Variants in PCCA observed in about 807,000 individuals in gnomAD.
PCCA encodes propionyl-CoA carboxylase alpha chain, mitochondrial.
Under a neutral mutation model 101.3 loss-of-function variants are expected in PCCA, and 74 were observed. The ratio of observed to expected loss-of-function variants is 0.73; its 90% CI spans 0.61 to 0.89. PCCA has a LOEUF of 0.89. Ranked by LOEUF, PCCA falls within the 40% of genes least tolerant of loss-of-function variation. The pLI, the probability that PCCA is intolerant of heterozygous loss-of-function variation, is 0.00. For missense variants in PCCA, 891 were observed against 907.0 expected, an observed-to-expected ratio of 0.98 and a Z score of 0.23; for synonymous variants, 294 against 313.6, an observed-to-expected ratio of 0.94 and a Z score of 0.66.
rs148423935 is a variant in PCCA, at chr13:100,432,869, G to A, written c.1845+7138G>A. ...TTTGACTACTGTGGGTATGGGTACC[G>A]CCTATAAATGAAATGGTATAGTATT... On this transcript the variant is annotated intron_variant, in intron 20 of 23. Coordinates refer to ENST00000376285, the MANE Select transcript of PCCA (RefSeq NM_000282.4). Among the ~76,000 whole-genome samples, 55 of 152,272 alleles carry A rather than the reference G, an allele frequency of 3.6e-4. 1 individual carries two copies. The East Asian group carries it at 8.1e-3, about 22-fold the overall frequency.
At chr13:100,366,282 A>G (rs1295293680) in intron 18 of PCCA, among the ~76,000 whole-genome samples, 1 of 152,090 alleles carries the variant, frequency 6.6e-6, no homozygotes, top group African/African-American at 2.4e-5. Flanking sequence ...AGGGACACCC[A>G]GGGAGTATCC....
chr13:100,402,064 G>A (rs1466632357), intron 19 of PCCA, among the ~76,000 whole-genome samples: 1 of 151,984 alleles, frequency 6.6e-6, no homozygotes, highest in African/African-American at 2.4e-5. Context: ...TGTAGATTTT[G>A]TATTGTAAAA....
chr13:100,509,695 G>A (rs1223505905), intron 21 of PCCA, among the ~76,000 whole-genome samples: 3 of 152,270 alleles, frequency 2.0e-5, no homozygotes, highest in South Asian at 2.1e-4. Flanking sequence ...TGTTAAAATC[G>A]TTGTTTTAAT....
chr13:100,164,163 A>T (rs1214305472), intron 6 of PCCA, among the ~76,000 whole-genome samples: 4 of 152,232 alleles, frequency 2.6e-5, no homozygotes. Flanking sequence ...TAAAATATAG[A>T]GACAAATCTC....
At chr13:100,341,641 T>G (rs775686751) in intron 18 of PCCA, among the ~76,000 whole-genome samples, 11 of 152,130 alleles carry the variant, frequency 7.2e-5, no homozygotes, top group Non-Finnish European at 1.6e-4. Flanking sequence ...TGGAGGGATA[T>G]GTGTGTAGGA....
intron 9 of PCCA, among the ~76,000 whole-genome samples, chr13:100,258,057 GACTT>G (rs1425737189): frequency 2.6e-5 from 4 of 152,128 alleles, no homozygotes; most frequent in Admixed American, 6.6e-5. Flanking sequence ...ATTTCATTGA[GACTT>G]AATGTATTAC....
chr13:100,424,933 G>T (rs527651578), intron 19 of PCCA, among the ~76,000 whole-genome samples: 30 of 152,250 alleles, frequency 2.0e-4, no homozygotes, highest in African/African-American at 7.0e-4. Flanking sequence ...GTGAAAGGAA[G>T]AAAACCAATA....
At chr13:100,145,535 C>T (rs188442915) in intron 4 of PCCA, among the ~76,000 whole-genome samples, 1 of 152,106 alleles carries the variant, frequency 6.6e-6, no homozygotes, top group African/African-American at 2.4e-5. Context: ...CAGGTGTGGT[C>T]AGTGGAGTTG....
intron 7 of PCCA, among the ~76,000 whole-genome samples, chr13:100,234,715 G>T (rs1023164668): frequency 2.7e-4 from 41 of 151,606 alleles, no homozygotes; most frequent in Admixed American, 1.4e-3. Context: ...CTTCTCGGAG[G>T]ATTCTGACAT....
chr13:100,354,853 C>T (rs1263975911), intron 18 of PCCA, among the ~76,000 whole-genome samples: 1 of 152,086 alleles, frequency 6.6e-6, no homozygotes, highest in East Asian at 1.9e-4. Flanking sequence ...CTAATCGTTG[C>T]AAAACTTCTT....
chr13:100,312,437 A>G (rs978024666), intron 16 of PCCA, among the ~76,000 whole-genome samples: 1 of 152,216 alleles, frequency 6.6e-6, no homozygotes, highest in African/African-American at 2.4e-5. Flanking sequence ...AAGACTGGTA[A>G]TGTCCTGTGT....
At chr13:100,230,065 G>T (rs1015098254) in intron 7 of PCCA, among the ~76,000 whole-genome samples, 5 of 152,326 alleles carry the variant, frequency 3.3e-5, no homozygotes, top group Admixed American at 2.6e-4. Flanking sequence ...TTTATTCATG[G>T]AAGAAATAAT....
Position 100,252,173 on chromosome 13 carries a change from A to G in PCCA, c.638-5422A>G, listed in dbSNP as rs566456918. Reference sequence around the variant, plus strand: ...GGTGTCTTTTCTCTTCTGAGGTCCTATTACCCATATCAGGGCCTATTCTAT... The same window carrying G: ...GGTGTCTTTTCTCTTCTGAGGTCCTGTTACCCATATCAGGGCCTATTCTAT... On this transcript the variant is annotated intron_variant, in intron 8 of 23. Coordinates refer to ENST00000376285, the MANE Select transcript of PCCA (RefSeq NM_000282.4). Among the ~76,000 whole-genome samples, 24 of 152,208 alleles carry G rather than the reference A, an allele frequency of 1.6e-4. 1 individual carries two copies. The South Asian group carries it at 5.0e-3, about 32-fold the overall frequency.
chr13:100,403,424 C>G (rs2077484124), intron 19 of PCCA, among the ~76,000 whole-genome samples: 1 of 152,102 alleles, frequency 6.6e-6, no homozygotes, highest in Non-Finnish European at 1.5e-5. Flanking sequence ...GGAAGCATAG[C>G]AGCATCTGCT....
chr13:100,431,411 A>G (rs1378840043), intron 20 of PCCA, among the ~76,000 whole-genome samples: 1 of 152,218 alleles, frequency 6.6e-6, no homozygotes, highest in Non-Finnish European at 1.5e-5. Context: ...GTTTTAAGGC[A>G]AGATTTAATG....
chr13:100,466,475 C>T (rs1037438524), intron 21 of PCCA, among the ~76,000 whole-genome samples: 3 of 152,132 alleles, frequency 2.0e-5, no homozygotes, highest in African/African-American at 4.8e-5. Flanking sequence ...AGGGGAACAG[C>T]TAAGGTAATT....
intron 21 of PCCA, among the ~76,000 whole-genome samples, chr13:100,458,423 G>GCA (rs143067653): frequency 4.2e-4 from 38 of 89,676 alleles, no homozygotes; most frequent in African/African-American, 6.3e-4. Flanking sequence ...ATCTCTGCGC[G>GCA]CACACACACA....
At chr13:100,268,147 A>C (rs554265590) in intron 10 of PCCA, among the ~76,000 whole-genome samples, 154 of 152,326 alleles carry the variant, frequency 1.0e-3, no homozygotes, top group African/African-American at 3.3e-3. Flanking sequence ...AGAGATGTTC[A>C]ATGGGAAAAA....
At chr13:100,178,806 G>A (rs1594562665) in intron 6 of PCCA, among the ~76,000 whole-genome samples, 1 of 151,982 alleles carries the variant, frequency 6.6e-6, no homozygotes, top group Non-Finnish European at 1.5e-5. Context: ...GGCCGGGCGC[G>A]GTGGCTCATG....
Sources: gnomAD v4.1 joint callset for allele counts (sites outside exome capture counted in the v4.1 genomes callset) on GRCh38, gnomAD v4.1.1 for gene constraint, MANE v1.5 for transcripts, NCBI Gene and HGNC (gene_info 2026-07-23, HGNC 2026-07-21) for gene names.